The following CRBN variants were observed in gnomAD, a reference collection of about 807,000 sequenced individuals.
The protein encoded by CRBN is protein cereblon.
Under a neutral mutation model 62.2 loss-of-function variants are expected in CRBN, and 53 were observed. The ratio of observed to expected loss-of-function variants is 0.85; its 90% CI spans 0.68 to 1.07. The LOEUF (loss-of-function observed/expected upper bound fraction) is 1.07. Among genes scored for constraint, CRBN ranks in the 50% least tolerant of loss-of-function variants. The pLI, the probability that CRBN is intolerant of heterozygous loss-of-function variation, is 0.00. For missense variants in CRBN, 616 were observed against 531.1 expected, an observed-to-expected ratio of 1.16 and a Z score of -1.57; for synonymous variants, 208 against 176.1, an observed-to-expected ratio of 1.18 and a Z score of -1.43.
rs202049980 is a variant in CRBN, at chr3:3,172,807, T to G, written c.496A>C (p.Lys166Gln). 33 of 1,613,952 alleles carry G rather than the reference T, an allele frequency of 2.0e-5. No individual in the cohort carries two copies. The highest frequency in any genetic ancestry group is 2.8e-5 in the Non-Finnish European group (33 of 1,179,942). ...KVKAIGRQRF[K>Q]VLELRTQSDG... ...GACTGTGTTCTTAGCTCAAGGACTT[T>G]GAACCTTTGTCTTCCAATTGCTTTC... The change falls in exon 4 of 11, where the codon AAA (lysine) becomes CAA (glutamine). Residue 166 changes from lysine (K) to glutamine (Q), a missense_variant. Transcript: ENST00000231948.
In CRBN at chr3:3,157,780, T is replaced by G. The variant is rs141100344; in HGVS notation, c.688-1499A>C. 5.3e-4 allele frequency among the ~76,000 whole-genome samples: 81 copies of G among 152,312 alleles called. 1 individual carries two copies. The East Asian group carries it at 0.015, about 28-fold the overall frequency. ...TAGCTATGTTAGTTTGGTGCAAAAGTAACTGCGGTTTTAACAGAAGACTAG... is the reference window on the plus strand; with the variant it reads ...TAGCTATGTTAGTTTGGTGCAAAAGGAACTGCGGTTTTAACAGAAGACTAG... On this transcript the variant is annotated intron_variant, in intron 5 of 10. Coordinates refer to ENST00000231948, the MANE Select transcript of CRBN (RefSeq NM_016302.4).
chr3:3,168,785 A>C (rs1707461753), intron 4 of CRBN, among the ~76,000 whole-genome samples: 1 of 152,178 alleles, frequency 6.6e-6, no homozygotes, highest in African/African-American at 2.4e-5. Flanking sequence ...TTTAATGATA[A>C]TAGTAGACTC....
chr3:3,158,217 A>G (rs1706986455), intron 5 of CRBN, among the ~76,000 whole-genome samples: 1 of 152,198 alleles, frequency 6.6e-6, no homozygotes, highest in African/African-American at 2.4e-5. Flanking sequence ...GATCCCTCCC[A>G]TGCGCAGTTC....
intron 4 of CRBN, 23 bp from the exon 5 acceptor site, chr3:3,167,816 T>C (rs778055689): frequency 5.6e-6 from 9 of 1,610,730 alleles, no homozygotes; most frequent in East Asian, 2.2e-5. Flanking sequence ...GAACCAAGCA[T>C]GGTATTCATT....
intron 10 of CRBN, among the ~76,000 whole-genome samples, chr3:3,151,375 G>A (rs972648372): frequency 6.6e-6 from 1 of 152,038 alleles, no homozygotes; most frequent in Admixed American, 6.6e-5. Context: ...ATTCTAACTT[G>A]TACTGGCTTT....
intron 7 of CRBN, chr3:3,154,362 T>C (rs1706783061): frequency 2.1e-6 from 1 of 471,342 alleles, no homozygotes; most frequent in Non-Finnish European, 3.8e-6. Context: ...ATAACTAAAC[T>C]ATACCTTATA....
intron 3 of CRBN, chr3:3,173,828 C>A: frequency 1.5e-5 from 8 of 529,262 alleles, no homozygotes; most frequent in South Asian, 2.6e-5. Flanking sequence ...TTTCAAATAC[C>A]AGAAAGTTAA....
chr3:3,175,600 C>T (rs1031844921), intron 1 of CRBN, among the ~76,000 whole-genome samples: 2 of 152,192 alleles, frequency 1.3e-5, no homozygotes, highest in African/African-American at 4.8e-5. Context: ...AGGAATCAGT[C>T]TTGGTACATT....
chr3:3,171,334 T>A (rs1707604178), intron 4 of CRBN, among the ~76,000 whole-genome samples: 1 of 152,206 alleles, frequency 6.6e-6, no homozygotes, highest in Non-Finnish European at 1.5e-5. Context: ...AAAATGGAAC[T>A]GTTAGCAAAA....
intron 4 of CRBN, among the ~76,000 whole-genome samples, chr3:3,169,458 G>A (rs1292101149): frequency 1.0e-5 from 1 of 97,180 alleles, no homozygotes; most frequent in Non-Finnish European, 2.3e-5. Context: ...TTTCAAATTA[G>A]GTACAGACTA....
intron 5 of CRBN, among the ~76,000 whole-genome samples, chr3:3,165,031 T>C (rs1012836203): frequency 1.8e-4 from 27 of 152,136 alleles, no homozygotes; most frequent in Admixed American, 1.7e-3. Context: ...CCAACCCTCA[T>C]GGATGACGAT....
chr3:3,173,881 T>C, intron 3 of CRBN, 178 bp downstream of exon 3: 1 of 639,844 alleles, frequency 1.6e-6, no homozygotes, highest in Non-Finnish European at 2.8e-6. Flanking sequence ...GGTAATGAAA[T>C]GAACAAAAAT....
At chr3:3,164,496 T>C (rs143195598) in intron 5 of CRBN, among the ~76,000 whole-genome samples, 1 of 152,166 alleles carries the variant, frequency 6.6e-6, no homozygotes, top group Admixed American at 6.5e-5. Context: ...CTGGTGACTT[T>C]AAGTTAAAGC....
chr3:3,168,763 A>C (rs894257407), intron 4 of CRBN, among the ~76,000 whole-genome samples: 3 of 152,186 alleles, frequency 2.0e-5, no homozygotes, highest in South Asian at 2.1e-4. Context: ...GTTAGAAAGT[A>C]TCTAAGTTTA....
chr3:3,168,857 A>G (rs1025734227), intron 4 of CRBN, among the ~76,000 whole-genome samples: 1 of 152,172 alleles, frequency 6.6e-6, no homozygotes, highest in African/African-American at 2.4e-5. Context: ...ATTTGTCTAC[A>G]TGACTTCGGA....
At chr3:3,161,380 T>G (rs1207081744) in intron 5 of CRBN, among the ~76,000 whole-genome samples, 2 of 152,184 alleles carry the variant, frequency 1.3e-5, no homozygotes, top group African/African-American at 4.8e-5. Context: ...ACTTATCAGA[T>G]CAGCAAACAT....
intron 4 of CRBN, among the ~76,000 whole-genome samples, chr3:3,171,371 T>C (rs1707605892): frequency 6.6e-6 from 1 of 152,190 alleles, no homozygotes; most frequent in Admixed American, 6.5e-5. Flanking sequence ...AGTTTGCTAA[T>C]TATCATAATG....
intron 4 of CRBN, among the ~76,000 whole-genome samples, chr3:3,168,714 C>T (rs889768080): frequency 2.6e-5 from 4 of 152,090 alleles, no homozygotes; most frequent in Non-Finnish European, 5.9e-5. Context: ...GAAATTCTGA[C>T]ATTTTACTTA....
rs1321740802 is a variant in CRBN at position 3,157,007 on chromosome 3, G to T, written c.688-726C>A. 3.3e-5 allele frequency among the ~76,000 whole-genome samples: 5 copies of T among 152,192 alleles called. No individual in the cohort carries two copies. In the East Asian group the frequency reaches 9.6e-4, roughly 29 times the overall value. On this transcript the variant is annotated intron_variant, in intron 5 of 10. Transcript: ENST00000231948. ...GTATTTGAGGGGGAGACTCAATACTGTTAAGATGTCAGTCCTCAAATTACA... is the reference window on the plus strand; with the variant it reads ...GTATTTGAGGGGGAGACTCAATACTTTTAAGATGTCAGTCCTCAAATTACA...
Sources: allele counts gnomAD v4.1 joint callset (sites outside exome capture counted in the v4.1 genomes callset), GRCh38; gene constraint gnomAD v4.1.1; transcripts MANE v1.5; gene names NCBI Gene and HGNC (gene_info 2026-07-23, HGNC 2026-07-21).